Variants in F13A1 observed in about 807,000 individuals in gnomAD.
F13A1 encodes the protein coagulation factor XIII A chain.
In F13A1, 47 loss-of-function variants were observed where a neutral mutation model predicts 80.1. The ratio of observed to expected loss-of-function variants is 0.59; its 90% CI spans 0.46 to 0.75. The LOEUF is 0.75. Ranked by LOEUF, F13A1 falls within the 30% of genes least tolerant of loss-of-function variation. F13A1 has a pLI of 0.00. For missense variants in F13A1, 817 were observed against 930.4 expected (o/e 0.88, Z 1.59); for synonymous variants, 349 against 344.9 (o/e 1.01, Z -0.13).
chr6:6,219,325 T>G (rs1343225631), intron 8 of F13A1, among the ~76,000 whole-genome samples: 1 of 123,364 alleles, frequency 8.1e-6, no homozygotes, highest in East Asian at 2.7e-4. Flanking sequence ...GCCTCCACCC[T>G]CACCCTCACC....
chr6:6,154,225 C>T (rs979589970), intron 13 of F13A1, among the ~76,000 whole-genome samples: 1 of 151,202 alleles, frequency 6.6e-6, no homozygotes, highest in African/African-American at 2.4e-5. Flanking sequence ...TGAAGCCACA[C>T]TGACAAGACT....
intron 6 of F13A1, among the ~76,000 whole-genome samples, chr6:6,232,686 T>C (rs545255776): frequency 1.3e-5 from 2 of 148,928 alleles, no homozygotes; most frequent in South Asian, 2.2e-4. Context: ...TTCTCCAAGA[T>C]AGACCATATG....
chr6:6,217,143 A>T (rs1270861279), intron 8 of F13A1, among the ~76,000 whole-genome samples: 2 of 149,948 alleles, frequency 1.3e-5, no homozygotes, highest in Non-Finnish European at 3.0e-5. Flanking sequence ...ATCTAGAACC[A>T]GAAATACCAT....
intron 12 of F13A1, among the ~76,000 whole-genome samples, chr6:6,173,043 C>T (rs1281634321): frequency 7.2e-5 from 11 of 152,126 alleles, no homozygotes; most frequent in Admixed American, 7.2e-4. Context: ...TGCCCCATGT[C>T]AGGCCAACAG....
At chr6:6,197,117 G>C in intron 9 of F13A1, 106 bp downstream of exon 9, 1 of 987,550 alleles carries the variant, frequency 1.0e-6, no homozygotes, top group Non-Finnish European at 1.6e-6. Flanking sequence ...GCACACTTCA[G>C]ATGTTGCCTC....
intron 13 of F13A1, among the ~76,000 whole-genome samples, chr6:6,166,520 G>C (rs746955489): frequency 1.3e-5 from 2 of 152,182 alleles, no homozygotes; most frequent in South Asian, 4.1e-4. Flanking sequence ...ACTTCAAGAA[G>C]ATTGTTCTCC....
intron 14 of F13A1, among the ~76,000 whole-genome samples, chr6:6,149,716 C>T (rs1760339536): frequency 1.3e-5 from 2 of 152,174 alleles, no homozygotes; most frequent in African/African-American, 4.8e-5. Flanking sequence ...TATAAGCCAC[C>T]CAGTCTATGG....
chr6:6,262,237 A>G (rs1757786035), intron 4 of F13A1, among the ~76,000 whole-genome samples: 1 of 149,498 alleles, frequency 6.7e-6, no homozygotes, highest in Non-Finnish European at 1.5e-5. Context: ...ATGTGCTCCA[A>G]GCGTGGTGAC....
intron 12 of F13A1, among the ~76,000 whole-genome samples, chr6:6,170,574 A>G (rs752234161): frequency 2.4e-4 from 36 of 152,242 alleles, no homozygotes; most frequent in Non-Finnish European, 4.4e-4. Flanking sequence ...GGGAAAGCCA[A>G]GGGAGACACA....
In F13A1 at chr6:6,274,610, A is replaced by G. The variant is rs141620910; in HGVS notation, c.320-7801T>C. Among the ~76,000 whole-genome samples, 4 of 152,348 alleles carry G rather than the reference A, an allele frequency of 2.6e-5. 1 individual carries two copies. Among genetic ancestry groups the G allele is most frequent in the African/African-American group, 9.6e-5 (4 of 41,582 alleles). On this transcript the variant is annotated intron_variant, in intron 3 of 14. Coordinates refer to ENST00000264870, the MANE Select transcript of F13A1 (RefSeq NM_000129.4). ...ATTGAGATAGGAGAATTTCTCCCTA[A>G]GAATGGCTTATTTCTGAGAAAGAGG...
At chr6:6,222,256 T>C in intron 7 of F13A1, 85 bp from the exon 8 acceptor site, 1 of 1,556,276 alleles carries the variant, frequency 6.4e-7, no homozygotes, top group Non-Finnish European at 8.8e-7. Flanking sequence ...TAGGGGACTT[T>C]CTTCCTGACC....
intron 8 of F13A1, among the ~76,000 whole-genome samples, chr6:6,205,651 A>T (rs1011752668): frequency 7.2e-5 from 11 of 152,116 alleles, no homozygotes; most frequent in African/African-American, 2.4e-4. Flanking sequence ...TTAGGGGCTG[A>T]TTATCCAGCT....
In F13A1 at chr6:6,174,261, G is replaced by A. The variant is rs570830808; in HGVS notation, c.1747+319C>T. ...AAAAATTTGCCTGGCGTGGTGGCAT[G>A]TGCCTGTAATCCCAGCTACTCGGGA... On this transcript the variant is annotated intron_variant, in intron 12 of 14. Coordinates refer to ENST00000264870, the MANE Select transcript of F13A1 (RefSeq NM_000129.4). Among the ~76,000 whole-genome samples, 15 of 152,278 alleles carry A rather than the reference G, an allele frequency of 9.9e-5. No homozygotes were observed. In the East Asian group the frequency reaches 2.3e-3, roughly 24 times the overall value.
chr6:6,199,316 C>T (rs1211954736), intron 8 of F13A1, among the ~76,000 whole-genome samples: 3 of 151,958 alleles, frequency 2.0e-5, no homozygotes, highest in East Asian at 1.9e-4. Flanking sequence ...GGTGAAACCC[C>T]GTCTCTACTA....
At chr6:6,163,646 C>T (rs1294809274) in intron 13 of F13A1, among the ~76,000 whole-genome samples, 2 of 152,146 alleles carry the variant, frequency 1.3e-5, no homozygotes, top group East Asian at 1.9e-4. Context: ...TGGCTCCATT[C>T]GTGTTCCTGC....
chr6:6,241,881 T>C (rs548327717), intron 6 of F13A1, among the ~76,000 whole-genome samples: 1 of 152,274 alleles, frequency 6.6e-6, no homozygotes, highest in East Asian at 1.9e-4. Flanking sequence ...ATATTTATAA[T>C]TAAGGTTTGT....
chr6:6,160,166 A>G (rs537984164), intron 13 of F13A1, among the ~76,000 whole-genome samples: 95 of 150,744 alleles, frequency 6.3e-4, no homozygotes, highest in Non-Finnish European at 1.2e-3. Flanking sequence ...AATCCCAGCT[A>G]CTTGGGAGAC....
chr6:6,176,831 G>A (rs1191041874), intron 11 of F13A1, among the ~76,000 whole-genome samples: 1 of 152,230 alleles, frequency 6.6e-6, no homozygotes, highest in African/African-American at 2.4e-5. Context: ...GAGAGGAGCT[G>A]AGCTGGCCAA....
At chr6:6,170,454 A>C (rs2151073683) in intron 12 of F13A1, among the ~76,000 whole-genome samples, 1 of 152,352 alleles carries the variant, frequency 6.6e-6, no homozygotes, top group Middle Eastern at 3.4e-3. Flanking sequence ...GCCACTGCAC[A>C]AGAAATTGTT....
Sources: gnomAD v4.1 joint callset for allele counts (sites outside exome capture counted in the v4.1 genomes callset) on GRCh38, gnomAD v4.1.1 for gene constraint, MANE v1.5 for transcripts, NCBI Gene and HGNC (gene_info 2026-07-23, HGNC 2026-07-21) for gene names.